ARID2: variants seen among roughly 807,000 people sequenced by gnomAD.
The protein encoded by ARID2 is AT-rich interaction domain 2.
ARID2 carries 32 observed loss-of-function variants against 184.6 expected under a neutral mutation model. The ratio of observed to expected loss-of-function variants is 0.17; its 90% confidence interval spans 0.13 to 0.23. ARID2 has a LOEUF of 0.23. ARID2 is among the 10% of genes least tolerant of loss of function. ARID2 has a pLI of 1.00. For missense variants in ARID2, 1,696 were observed against 2,197.6 expected (o/e 0.77, Z 4.56); for synonymous variants, 836 against 772.6 (o/e 1.08, Z -1.36).
intron 3 of ARID2, among the ~76,000 whole-genome samples, chr12:45,731,732 T>C (rs1941005665): frequency 6.9e-6 from 1 of 144,624 alleles, no homozygotes; most frequent in East Asian, 2.0e-4. Flanking sequence ...GCTTTAAGAA[T>C]TTTTTTTTTT....
At chr12:45,817,404 T>C (rs1942821365) in intron 4 of ARID2, among the ~76,000 whole-genome samples, 1 of 152,014 alleles carries the variant, frequency 6.6e-6, no homozygotes, top group African/African-American at 2.4e-5. Context: ...TTCAAAAATA[T>C]TTTGGCAATG....
chr12:45,737,836 TA>T (rs1941160202), intron 3 of ARID2, among the ~76,000 whole-genome samples: 1 of 152,120 alleles, frequency 6.6e-6, no homozygotes, highest in Non-Finnish European at 1.5e-5. Flanking sequence ...ACATCTGGTC[TA>T]GGGGCACCTG....
chr12:45,846,822 A>G, intron 11 of ARID2, 34 bp from the exon 12 acceptor site: 1 of 1,604,328 alleles, frequency 6.2e-7, no homozygotes, highest in Non-Finnish European at 8.5e-7. Flanking sequence ...CTAACTTTTA[A>G]GAAATGATGT....
chr12:45,828,163 A>G (rs935261957), intron 6 of ARID2, among the ~76,000 whole-genome samples: 11 of 152,000 alleles, frequency 7.2e-5, no homozygotes, highest in African/African-American at 2.4e-4. Flanking sequence ...AAGTACGCCT[A>G]TTCATTCCCC....
chr12:45,890,661 TAA>T (rs1280274874), intron 16 of ARID2, among the ~76,000 whole-genome samples: 2 of 152,224 alleles, frequency 1.3e-5, no homozygotes, highest in African/African-American at 4.8e-5. Context: ...ATTAAATATA[TAA>T]CTTACTCTTT....
At chr12:45,771,218 C>T (rs886700348) in intron 3 of ARID2, among the ~76,000 whole-genome samples, 4 of 152,060 alleles carry the variant, frequency 2.6e-5, no homozygotes, top group Non-Finnish European at 5.9e-5. Context: ...ATTACCCGGG[C>T]GTGGTGGCTC....
intron 3 of ARID2, among the ~76,000 whole-genome samples, chr12:45,740,731 T>G (rs1277236269): frequency 6.6e-6 from 1 of 152,182 alleles, no homozygotes; most frequent in African/African-American, 2.4e-5. Context: ...CCCAACCCCA[T>G]TCATTATCTT....
intron 3 of ARID2, among the ~76,000 whole-genome samples, chr12:45,743,612 T>C (rs1057230365): frequency 6.6e-6 from 1 of 152,224 alleles, no homozygotes; most frequent in Non-Finnish European, 1.5e-5. Flanking sequence ...CTTTAATGTT[T>C]ATTTTTCCAT....
chr12:45,736,438 AAC>A (rs1941125055), intron 3 of ARID2, among the ~76,000 whole-genome samples: 1 of 152,214 alleles, frequency 6.6e-6, no homozygotes. Flanking sequence ...AGGAAGGAAA[AAC>A]ACAGTTTTAA....
chr12:45,757,356 T>TCCC (rs1941589662), intron 3 of ARID2, among the ~76,000 whole-genome samples: 3 of 152,228 alleles, frequency 2.0e-5, no homozygotes, highest in Non-Finnish European at 4.4e-5. Context: ...TTTGAGCACA[T>TCCC]ATTGTCCCAT....
At position 45,907,936 on chromosome 12, in the gene ARID2, CA is replaced by C. The variant is rs1290232220; in HGVS notation, c.*2859del. The C allele has an allele frequency of 8.6e-6, 2 of 231,466 alleles. No individual in the cohort carries two copies. Among genetic ancestry groups the C allele is most frequent in the Admixed American group, 1.1e-4 (2 of 17,732 alleles). The allele number at this position is 231,466 out of a possible 1,614,324, so 14.3% of individuals were successfully genotyped here. A position where few individuals can be genotyped will look rare whatever the true frequency, so the allele number is the denominator to read the frequency against. On this transcript the variant is annotated 3_prime_UTR_variant, in exon 21 of 21. Coordinates refer to ENST00000334344, the MANE Select transcript of ARID2 (RefSeq NM_152641.4). ...ATTGTGACTATATATTAATGAGACTCAGTAATCCAACCCACACCTGAGAACT... is the reference window on the plus strand; with the variant it reads ...ATTGTGACTATATATTAATGAGACTCGTAATCCAACCCACACCTGAGAACT...
At chr12:45,878,474 A>G (rs1053939775) in intron 16 of ARID2, among the ~76,000 whole-genome samples, 3 of 152,048 alleles carry the variant, frequency 2.0e-5, no homozygotes, top group African/African-American at 4.8e-5. Flanking sequence ...TCTTACTTAC[A>G]TCTTCAAGTC....
At chr12:45,738,164 G>T (rs1457290052) in intron 3 of ARID2, among the ~76,000 whole-genome samples, 1 of 151,916 alleles carries the variant, frequency 6.6e-6, no homozygotes, top group East Asian at 1.9e-4. Context: ...ATGCTTGTTT[G>T]TGAAAATTTT....
intron 4 of ARID2, 65 bp from the exon 5 acceptor site, chr12:45,817,605 A>G: frequency 1.1e-6 from 1 of 886,356 alleles, no homozygotes; most frequent in Non-Finnish European, 1.7e-6. Flanking sequence ...TTCTGTATTC[A>G]AGGGATATTC....
At chr12:45,858,825 C>T (rs1048899922) in intron 15 of ARID2, among the ~76,000 whole-genome samples, 4 of 152,172 alleles carry the variant, frequency 2.6e-5, no homozygotes, top group Non-Finnish European at 4.4e-5. Context: ...GATATCTCTA[C>T]GGCCCTAAAA....
intron 3 of ARID2, among the ~76,000 whole-genome samples, chr12:45,802,889 T>C (rs1942532671): frequency 6.6e-6 from 1 of 152,208 alleles, no homozygotes; most frequent in South Asian, 2.1e-4. Flanking sequence ...TTCGTCTGCC[T>C]GTGAATGACA....
chr12:45,904,303 C>T, intron 20 of ARID2: 1 of 715,092 alleles, frequency 1.4e-6, no homozygotes. Flanking sequence ...TTTTGTTCCT[C>T]TCCAGCTGTT....
chr12:45,812,703 G>C (rs2138085041), intron 4 of ARID2, among the ~76,000 whole-genome samples: 1 of 152,234 alleles, frequency 6.6e-6, no homozygotes, highest in South Asian at 2.1e-4. Context: ...TGTGCTCCTT[G>C]TTTCTAAAAA....
chr12:45,861,089 A>G lies in ARID2; in HGVS notation c.4922+140A>G, dbSNP rs1025596064. ...TAGCGAAACTACAAGAGTTATATTT[A>G]TGATCCATTATGTGGACCTAAACTA... On this transcript the variant is annotated intron_variant, in intron 16 of 20. Transcript: ENST00000334344. 1.9e-5 allele frequency: 13 copies of G among 679,600 alleles called. No individual in the cohort carries two copies. The South Asian group carries it at 4.5e-4, about 24-fold the overall frequency. 42.1% of individuals were successfully genotyped at this position (679,600 alleles called of 1,614,324 possible). A position where few individuals can be genotyped will look rare whatever the true frequency, so the allele number is the denominator to read the frequency against.
Sources: gnomAD v4.1 joint callset for allele counts (sites outside exome capture counted in the v4.1 genomes callset) on GRCh38, gnomAD v4.1.1 for gene constraint, MANE v1.5 for transcripts, NCBI Gene and HGNC (gene_info 2026-07-23, HGNC 2026-07-21) for gene names.